CRACD: variants seen among roughly 807,000 people sequenced by gnomAD.
The protein encoded by CRACD is capping protein-inhibiting regulator of actin dynamics.
Under a neutral mutation model 106.8 loss-of-function variants are expected in CRACD, and 56 were observed. The observed-to-expected ratio is 0.52, with a 90% CI of 0.42 to 0.66. CRACD has a LOEUF of 0.66. CRACD is among the 30% of genes least tolerant of loss of function. The probability of loss-of-function intolerance (pLI) is 0.00; values close to 1 mark genes in which losing one functional copy is unlikely to be tolerated. For missense variants in CRACD, 1,730 were observed against 1,623.2 expected (o/e 1.07, Z -1.13); for synonymous variants, 754 against 670.8 (o/e 1.12, Z -1.92).
intron 5 of CRACD, 108 bp from the exon 6 acceptor site, chr4:56,310,558 C>A: frequency 2.6e-6 from 2 of 769,354 alleles, no homozygotes; most frequent in East Asian, 2.5e-5. Context: ...CCAGCTGCAC[C>A]CCTGTGTAGA....
chr4:56,049,200 G>A lies in CRACD; in HGVS notation c.-435G>A, dbSNP rs1489697137. On this transcript the variant is annotated 5_prime_UTR_variant, in exon 1 of 11. Transcript: ENST00000682029. ...TGCTGCCGCGGCGGCTGCTGATGCG[G>A]AGGCTGCCGCGCGCAGTGCCGCCGA... 1 of 150,208 alleles carries A rather than the reference G, an allele frequency of 6.7e-6. No homozygotes were observed. The highest frequency in any genetic ancestry group is 2.4e-5 in the African/African-American group (1 of 41,226). 9.3% of individuals were successfully genotyped at this position (150,208 alleles called of 1,614,324 possible). A position where few individuals can be genotyped will look rare whatever the true frequency, so the allele number is the denominator to read the frequency against.
At chr4:56,130,873 A>C (rs11942528) in intron 1 of CRACD, among the ~76,000 whole-genome samples, 2 of 151,476 alleles carry the variant, frequency 1.3e-5, no homozygotes, top group Non-Finnish European at 2.9e-5. Context: ...CCACCTCTCC[A>C]TCTCCCTCTC....
At chr4:56,238,152 G>T (rs1470227843) in intron 2 of CRACD, among the ~76,000 whole-genome samples, 1 of 152,148 alleles carries the variant, frequency 6.6e-6, no homozygotes, top group African/African-American at 2.4e-5. Flanking sequence ...TCCAGATAGG[G>T]CTCAGTCAAC....
At chr4:56,059,425 G>A (rs980689833) in intron 1 of CRACD, among the ~76,000 whole-genome samples, 8 of 152,170 alleles carry the variant, frequency 5.3e-5, no homozygotes, top group African/African-American at 1.2e-4. Context: ...ACAGTGAGCC[G>A]AGATTGTGCC....
At chr4:56,070,457 A>G (rs947127246) in intron 1 of CRACD, among the ~76,000 whole-genome samples, 15 of 151,964 alleles carry the variant, frequency 9.9e-5, no homozygotes, top group East Asian at 5.8e-4. Flanking sequence ...CCGCCATCGC[A>G]TCCGGCTAAT....
chr4:56,070,654 C>G (rs1219718194), intron 1 of CRACD, among the ~76,000 whole-genome samples: 1 of 152,164 alleles, frequency 6.6e-6, no homozygotes, highest in Non-Finnish European at 1.5e-5. Flanking sequence ...TCTAGCAACA[C>G]AGCTCTCTTC....
At chr4:56,180,548 A>G (rs1401617492) in intron 2 of CRACD, among the ~76,000 whole-genome samples, 1 of 151,990 alleles carries the variant, frequency 6.6e-6, no homozygotes, top group Non-Finnish European at 1.5e-5. Flanking sequence ...AGATAGCATC[A>G]TATCATTATT....
chr4:56,181,708 G>A (rs929998420), intron 2 of CRACD, among the ~76,000 whole-genome samples: 3 of 152,102 alleles, frequency 2.0e-5, no homozygotes, highest in Non-Finnish European at 2.9e-5. Context: ...GGCAATCCTC[G>A]GCGTTCCTGG....
intron 2 of CRACD, among the ~76,000 whole-genome samples, chr4:56,216,529 G>A (rs1369994737): frequency 3.3e-5 from 5 of 152,086 alleles, no homozygotes; most frequent in Admixed American, 2.0e-4. Flanking sequence ...AGGAACTTCC[G>A]ATCTATTCAA....
At position 56,310,025 on chromosome 4, in the gene CRACD, A is replaced by G. The variant is rs182679568; in HGVS notation, c.286-641A>G. Among the ~76,000 whole-genome samples the G allele has an allele frequency of 1.5e-4, 23 of 151,650 alleles. 1 individual carries two copies. Among genetic ancestry groups the G allele is most frequent in the African/African-American group, 5.6e-4 (23 of 41,434 alleles). On this transcript the variant is annotated intron_variant, in intron 5 of 10. Coordinates refer to ENST00000682029, the MANE Select transcript of CRACD (RefSeq NM_001393381.1). The stretch of plus-strand genomic sequence containing the variant: ...CAAAGTGAGACCCTGTCTCAAAAAA[A>G]AAAAAAAAGAAAAAGAAGATACCAC...
At chr4:56,258,289 C>A (rs1741493871) in intron 2 of CRACD, among the ~76,000 whole-genome samples, 1 of 152,088 alleles carries the variant, frequency 6.6e-6, no homozygotes, top group Non-Finnish European at 1.5e-5. Context: ...CTGAAGGCAC[C>A]TCCCCACTTT....
At chr4:56,245,742 T>C (rs2109573800) in intron 2 of CRACD, among the ~76,000 whole-genome samples, 1 of 152,332 alleles carries the variant, frequency 6.6e-6, no homozygotes, top group East Asian at 1.9e-4. Context: ...TACCTAATGG[T>C]ACCTTAGTAC....
chr4:56,123,816 A>C (rs1734569706), intron 1 of CRACD, among the ~76,000 whole-genome samples: 1 of 152,224 alleles, frequency 6.6e-6, no homozygotes, highest in Non-Finnish European at 1.5e-5. Flanking sequence ...GCTGGAACCT[A>C]GACTGTATTC....
chr4:56,188,659 T>A (rs376008776), intron 2 of CRACD, among the ~76,000 whole-genome samples: 18 of 83,812 alleles, frequency 2.1e-4, no homozygotes, highest in African/African-American at 6.1e-4. Flanking sequence ...ATCTCTCTAT[T>A]TCTCTCTCTC....
chr4:56,304,569 G>A (rs1744569920), intron 4 of CRACD, among the ~76,000 whole-genome samples: 2 of 152,020 alleles, frequency 1.3e-5, no homozygotes, highest in South Asian at 4.1e-4. Flanking sequence ...CTTGAGTCTA[G>A]GAGTTCCCGA....
intron 8 of CRACD, among the ~76,000 whole-genome samples, chr4:56,320,062 A>G (rs1745969250): frequency 6.6e-6 from 1 of 151,488 alleles, no homozygotes; most frequent in East Asian, 1.9e-4. Context: ...AATCCCAGCT[A>G]CTCAGAGGCT....
intron 2 of CRACD, among the ~76,000 whole-genome samples, chr4:56,232,404 G>T (rs1465102901): frequency 6.6e-6 from 1 of 152,038 alleles, no homozygotes; most frequent in Non-Finnish European, 1.5e-5. Flanking sequence ...CCCTCTTGAT[G>T]GATATTTGGA....
chr4:56,286,340 C>T (rs913669963), intron 3 of CRACD, among the ~76,000 whole-genome samples: 1 of 150,728 alleles, frequency 6.6e-6, no homozygotes, highest in African/African-American at 2.4e-5. Context: ...TTGCAGTGAG[C>T]TGAGATTGTG....
chr4:56,205,331 G>A (rs56281330), intron 2 of CRACD, among the ~76,000 whole-genome samples: 42,022 of 151,796 alleles, frequency 0.28, 6,105 homozygotes, highest in Middle Eastern at 0.33. Context: ...TAGGGTAGCA[G>A]GAGAGTCATG....
Sources: allele counts gnomAD v4.1 joint callset (sites outside exome capture counted in the v4.1 genomes callset), GRCh38; gene constraint gnomAD v4.1.1; transcripts MANE v1.5; gene names NCBI Gene and HGNC (gene_info 2026-07-23, HGNC 2026-07-21).